Variants in HACL1 observed in about 807,000 individuals in gnomAD.
HACL1 encodes the protein 2-hydroxyacyl-CoA lyase 1, also known as 1600020H07Rik.
In HACL1, 64 loss-of-function variants were observed where a neutral mutation model predicts 74.2. That is an observed-to-expected ratio of 0.86 (90% CI 0.70 to 1.06). The LOEUF is 1.06. HACL1 is among the 50% of genes least tolerant of loss of function. The pLI, the probability that HACL1 is intolerant of heterozygous loss-of-function variation, is 0.00. For missense variants in HACL1, 728 were observed against 719.7 expected (o/e 1.01, Z -0.13); for synonymous variants, 230 against 238.8 (o/e 0.96, Z 0.34).
At chr3:15,596,235 T>C in intron 3 of HACL1, 149 bp downstream of exon 3, 1 of 608,304 alleles carries the variant, frequency 1.6e-6, no homozygotes, top group South Asian at 2.1e-5. Context: ...TTTGATGTGG[T>C]CCTCAGAGAG....
At chr3:15,596,045 C>T (rs1351981182) in intron 3 of HACL1, 1 of 184,450 alleles carries the variant, frequency 5.4e-6, no homozygotes, top group Non-Finnish European at 1.1e-5. Flanking sequence ...AAAATCAGAA[C>T]GTGTGGAACA....
intron 12 of HACL1, among the ~76,000 whole-genome samples, chr3:15,569,798 C>A (rs2063494463): frequency 1.4e-5 from 2 of 147,674 alleles, no homozygotes; most frequent in South Asian, 2.2e-4. Flanking sequence ...CCAGCCTGGG[C>A]AACAAAAGCA....
At chr3:15,568,115 A>T in intron 13 of HACL1, 113 bp from the exon 14 acceptor site, 1 of 906,402 alleles carries the variant, frequency 1.1e-6, no homozygotes, top group Non-Finnish European at 1.7e-6. Context: ...AAGAACCATA[A>T]AAACATTCTC....
intron 3 of HACL1, among the ~76,000 whole-genome samples, chr3:15,592,550 ATG>A (rs1388395379): frequency 2.2e-5 from 3 of 138,090 alleles, no homozygotes. Context: ...ATGTACGCAC[ATG>A]TGTGCGTGTA....
chr3:15,589,861 C>T lies in HACL1; in HGVS notation c.309-249G>A, dbSNP rs1373296581. On this transcript the variant is annotated intron_variant, in intron 4 of 16. Coordinates refer to ENST00000321169, the MANE Select transcript of HACL1 (RefSeq NM_012260.4). The stretch of plus-strand genomic sequence containing the variant: ...ACCAGCATGGCCAACATGGTGAAAC[C>T]CCAGCTCTACAAAAAATACAAAAAT... 4.6e-5 allele frequency among the ~76,000 whole-genome samples: 7 copies of T among 152,024 alleles called. No individual in the cohort carries two copies. In the South Asian group the frequency reaches 1.0e-3, roughly 23 times the overall value.
At chr3:15,564,704 G>C in intron 14 of HACL1, 46 bp from the exon 15 acceptor site, 2 of 782,394 alleles carry the variant, frequency 2.6e-6, no homozygotes, top group Non-Finnish European at 4.2e-6. Context: ...TCATTTTAAA[G>C]TAATTTCTTT....
rs887259733 is a variant in HACL1 at position 15,570,668 on chromosome 3, C to T, written c.1095+1000G>A. 5.9e-5 allele frequency among the ~76,000 whole-genome samples: 9 copies of T among 151,642 alleles called. No individual in the cohort carries two copies. In the East Asian group the frequency reaches 1.8e-3, roughly 30 times the overall value. ...CACACACACACTTTACTAGAAATCGCCAAATCCTGCAGCACTGACTCATTT... is the reference window on the plus strand; with the variant it reads ...CACACACACACTTTACTAGAAATCGTCAAATCCTGCAGCACTGACTCATTT... On this transcript the variant is annotated intron_variant, in intron 12 of 16. Coordinates refer to ENST00000321169, the MANE Select transcript of HACL1 (RefSeq NM_012260.4).
chr3:15,596,361 A>C, intron 3 of HACL1, 23 bp downstream of exon 3: 1 of 1,384,112 alleles, frequency 7.2e-7, no homozygotes, highest in Non-Finnish European at 1.0e-6. Flanking sequence ...AAAGTAATTG[A>C]AGTGAAACAA....
chr3:15,569,342 C>T (rs529687470), intron 12 of HACL1, among the ~76,000 whole-genome samples: 1 of 152,176 alleles, frequency 6.6e-6, no homozygotes, highest in Non-Finnish European at 1.5e-5. Flanking sequence ...AAACCAACAT[C>T]GTTCCTATGC....
intron 2 of HACL1, among the ~76,000 whole-genome samples, chr3:15,597,965 G>A (rs2064099767): frequency 6.6e-6 from 1 of 151,772 alleles, no homozygotes; most frequent in Non-Finnish European, 1.5e-5. Flanking sequence ...CCTCTGGTAG[G>A]AAATGTCAAA....
chr3:15,587,645 T>C (rs927792595), intron 5 of HACL1, among the ~76,000 whole-genome samples: 11 of 152,260 alleles, frequency 7.2e-5, no homozygotes, highest in East Asian at 5.8e-4. Context: ...GCAGTAACTT[T>C]AGATTTCCTT....
chr3:15,595,186 T>C (rs1036546597), intron 3 of HACL1, among the ~76,000 whole-genome samples: 4 of 152,218 alleles, frequency 2.6e-5, no homozygotes, highest in African/African-American at 9.6e-5. Context: ...TAGCATTTTT[T>C]ACATTAAGGC....
intron 11 of HACL1, 27 bp from the exon 12 acceptor site, chr3:15,571,796 CAA>C (rs2063534923): frequency 1.0e-4 from 73 of 716,946 alleles, no homozygotes; most frequent in Admixed American, 9.9e-4. Flanking sequence ...CACACACACA[CAA>C]ACACATAAAC....
chr3:15,560,831 G>A lies in HACL1; in HGVS notation c.*34C>T. The A allele has an allele frequency of 6.7e-7, 1 of 1,491,690 alleles. No individual in the cohort carries two copies. The highest frequency in any genetic ancestry group is 9.3e-7 in the Non-Finnish European group (1 of 1,077,898). The allele number at this position is 1,491,690 out of a possible 1,614,324, so 92.4% of individuals were successfully genotyped here. ...AAATAAAATTTCATCTTGCAAGAAAGAGAAAACTCAAGACCACCAACTGGC... is the reference window on the plus strand; with the variant it reads ...AAATAAAATTTCATCTTGCAAGAAAAAGAAAACTCAAGACCACCAACTGGC... On this transcript the variant is annotated 3_prime_UTR_variant, in exon 17 of 17. Coordinates refer to ENST00000321169, the MANE Select transcript of HACL1 (RefSeq NM_012260.4).
chr3:15,588,614 G>C (rs1247141057), intron 5 of HACL1, among the ~76,000 whole-genome samples: 1 of 151,890 alleles, frequency 6.6e-6, no homozygotes, highest in Non-Finnish European at 1.5e-5. Flanking sequence ...AAAAAAGAAA[G>C]AAAGAAAGAC....
At chr3:15,571,047 C>G (rs996869799) in intron 12 of HACL1, among the ~76,000 whole-genome samples, 1 of 151,952 alleles carries the variant, frequency 6.6e-6, no homozygotes, top group Admixed American at 6.5e-5. Flanking sequence ...GCATGATCTA[C>G]TACTGCACTG....
intron 12 of HACL1, among the ~76,000 whole-genome samples, chr3:15,568,971 A>C (rs2063479087): frequency 6.6e-6 from 1 of 152,240 alleles, no homozygotes; most frequent in African/African-American, 2.4e-5. Context: ...AGTGAAATTT[A>C]TTCCAGAATA....
intron 2 of HACL1, among the ~76,000 whole-genome samples, chr3:15,598,041 A>G (rs1321493130): frequency 4.0e-5 from 6 of 148,996 alleles, no homozygotes; most frequent in African/African-American, 1.5e-4. Flanking sequence ...TTTGAGACAG[A>G]GTTTCGGAGT....
At chr3:15,578,271 A>C (rs1459121134) in intron 9 of HACL1, among the ~76,000 whole-genome samples, 4 of 152,130 alleles carry the variant, frequency 2.6e-5, no homozygotes, top group Non-Finnish European at 4.4e-5. Context: ...TGGTTATGTA[A>C]GTGTTCATTA....
Sources: allele counts gnomAD v4.1 joint callset (sites outside exome capture counted in the v4.1 genomes callset), GRCh38; gene constraint gnomAD v4.1.1; transcripts MANE v1.5; gene names NCBI Gene and HGNC (gene_info 2026-07-23, HGNC 2026-07-21).